NAA11: variants seen among roughly 807,000 people sequenced by gnomAD.
NAA11 encodes N-alpha-acetyltransferase 11.
In NAA11, 15 loss-of-function variants were observed where a neutral mutation model predicts 16.1. That is an observed-to-expected ratio of 0.93 (90% CI 0.62 to 1.44). The LOEUF (loss-of-function observed/expected upper bound fraction) is 1.44. Among genes scored for constraint, NAA11 ranks in the 40% most tolerant of loss-of-function variants. The pLI, the probability that NAA11 is intolerant of heterozygous loss-of-function variation, is 0.00. For missense variants in NAA11, 298 were observed against 291.3 expected (o/e 1.02, Z -0.17); for synonymous variants, 122 against 112.4 (o/e 1.09, Z -0.54).
At chr4:79,282,799 T>C (rs965900297) in intron 2 of NAA11, among the ~76,000 whole-genome samples, 1 of 152,086 alleles carries the variant, frequency 6.6e-6, no homozygotes, top group Non-Finnish European at 1.5e-5. Flanking sequence ...TCACTGGAAA[T>C]ACGGAATTAT....
intron 2 of NAA11, among the ~76,000 whole-genome samples, chr4:79,265,700 G>C (rs1480353912): frequency 6.6e-6 from 1 of 152,040 alleles, no homozygotes; most frequent in Admixed American, 6.5e-5. Flanking sequence ...GAGGTTTTAT[G>C]ACCAAGTTTT....
At chr4:79,214,496 T>C in the NAA11 span, among the ~76,000 whole-genome samples, 1 of 152,020 alleles carries the variant, frequency 6.6e-6, no homozygotes, top group Non-Finnish European at 1.5e-5. Flanking sequence ...GGAGTGGGTT[T>C]ATTATAAAAG....
At chr4:79,166,151 G>A in the NAA11 span, among the ~76,000 whole-genome samples, 1,336 of 152,300 alleles carry the variant, frequency 8.8e-3, 11 homozygotes, top group Non-Finnish European at 0.015. Context: ...CAGAGACATA[G>A]TTGGGCCTCA....
At chr4:79,230,570 G>A (rs1400306025) in intron 2 of NAA11, among the ~76,000 whole-genome samples, 2 of 151,934 alleles carry the variant, frequency 1.3e-5, no homozygotes, top group South Asian at 4.1e-4. Context: ...GCTTATGAAA[G>A]ATAGCTAAAA....
chr4:79,196,194 A>G, the NAA11 span, among the ~76,000 whole-genome samples: 1 of 151,862 alleles, frequency 6.6e-6, no homozygotes, highest in Non-Finnish European at 1.5e-5. Context: ...TGTGCCCTTC[A>G]TTTCCTGTGC....
chr4:79,169,171 C>A, the NAA11 span, among the ~76,000 whole-genome samples: 2 of 152,134 alleles, frequency 1.3e-5, no homozygotes, highest in Admixed American at 1.3e-4. Flanking sequence ...CTGAAAATGG[C>A]CATGCTGCAC....
intron 2 of NAA11, among the ~76,000 whole-genome samples, chr4:79,290,887 T>C (rs547817959): frequency 2.6e-5 from 4 of 152,316 alleles, no homozygotes; most frequent in Non-Finnish European, 5.9e-5. Context: ...ATTTTTCTTT[T>C]CTCTGAATGT....
At chr4:79,180,640 A>C in the NAA11 span, among the ~76,000 whole-genome samples, 4 of 152,318 alleles carry the variant, frequency 2.6e-5, no homozygotes, top group South Asian at 8.3e-4. Context: ...TGGGACTGTA[A>C]ACTAGTTCAA....
At chr4:79,273,371 G>A (rs974812023) in intron 2 of NAA11, among the ~76,000 whole-genome samples, 1 of 151,984 alleles carries the variant, frequency 6.6e-6, no homozygotes, top group Non-Finnish European at 1.5e-5. Flanking sequence ...ATGTCTAAAT[G>A]TATAGAAAGC....
rs59434934 is a variant in NAA11, at chr4:79,261,892, A to G, written c.*122+32113T>C. On this transcript the variant is annotated intron_variant and NMD_transcript_variant, in intron 2 of 2. Coordinates refer to the NAA11 transcript ENST00000511542. ...AGAGTTGACTAAATGTTAGCACATAAAAATAGCTGAAAAATATTAAAGTTA... is the reference window on the plus strand; with the variant it reads ...AGAGTTGACTAAATGTTAGCACATAGAAATAGCTGAAAAATATTAAAGTTA... 3.8e-3 allele frequency among the ~76,000 whole-genome samples: 576 copies of G among 152,348 alleles called. 6 individuals are homozygous for G. Among genetic ancestry groups the G allele is most frequent in the African/African-American group, 0.013 (550 of 41,582 alleles).
chr4:79,260,713 GTGA>G, intron 2 of NAA11, among the ~76,000 whole-genome samples: 1 of 152,298 alleles, frequency 6.6e-6, no homozygotes, highest in East Asian at 1.9e-4. Context: ...AGCTGAAATC[GTGA>G]TGATGAACCT....
Position 79,325,972 on chromosome 4 carries a change from CA to C in NAA11, c.-96del. The C allele has an allele frequency of 9.1e-7, 1 of 1,100,710 alleles. No homozygotes were observed. Among genetic ancestry groups the C allele is most frequent in the Non-Finnish European group, 1.3e-6 (1 of 767,990 alleles). The allele number at this position is 1,100,710 out of a possible 1,614,324, so 68.2% of individuals were successfully genotyped here. ...CACTGTTTGCCTCAGGAATCGAGTC[CA>C]GGGGGCTAACACCACCGGGCTGAAT... On this transcript the variant is annotated 5_prime_UTR_variant, in exon 1 of 2. Transcript: ENST00000286794.
At chr4:79,234,830 T>C (rs1261475538) in intron 2 of NAA11, among the ~76,000 whole-genome samples, 1 of 152,158 alleles carries the variant, frequency 6.6e-6, no homozygotes, top group Non-Finnish European at 1.5e-5. Context: ...CGTTTTCTCT[T>C]TGAACAAACT....
chr4:79,220,576 G>T, the NAA11 span, among the ~76,000 whole-genome samples: 1 of 151,976 alleles, frequency 6.6e-6, no homozygotes, highest in African/African-American at 2.4e-5. Flanking sequence ...TATGCTGAAT[G>T]TCTGAAAGTC....
At chr4:79,190,358 G>C in the NAA11 span, among the ~76,000 whole-genome samples, 1 of 152,062 alleles carries the variant, frequency 6.6e-6, no homozygotes, top group South Asian at 2.1e-4. Flanking sequence ...TAAAAAGTTT[G>C]TATATGAAGA....
chr4:79,286,959 A>G (rs528193000), intron 2 of NAA11, among the ~76,000 whole-genome samples: 2 of 152,226 alleles, frequency 1.3e-5, no homozygotes, highest in East Asian at 1.9e-4. Context: ...CATGAAAAAT[A>G]TGGATTAAAG....
At chr4:79,222,754 G>C (rs1721219946), downstream of NAA11, among the ~76,000 whole-genome samples, 1 of 151,074 alleles carries the variant, frequency 6.6e-6, no homozygotes, top group South Asian at 2.1e-4. Flanking sequence ...ATCTGACAAA[G>C]GGCTAATATA....
At chr4:79,187,639 A>C in the NAA11 span, among the ~76,000 whole-genome samples, 1 of 152,110 alleles carries the variant, frequency 6.6e-6, no homozygotes, top group Non-Finnish European at 1.5e-5. Context: ...AGATGTGTTT[A>C]TTTCTCTAAC....
intron 2 of NAA11, among the ~76,000 whole-genome samples, chr4:79,240,663 T>G (rs1390098919): frequency 6.6e-6 from 1 of 152,032 alleles, no homozygotes; most frequent in African/African-American, 2.4e-5. Context: ...TGCCAACTAG[T>G]CATTTTGGGC....
Sources: gnomAD v4.1 joint callset for allele counts (sites outside exome capture counted in the v4.1 genomes callset) on GRCh38, gnomAD v4.1.1 for gene constraint, MANE v1.5 for transcripts, NCBI Gene and HGNC (gene_info 2026-07-23, HGNC 2026-07-21) for gene names.